The following DDX41 variants were observed in gnomAD, a reference collection of about 807,000 sequenced individuals.
DDX41 encodes the protein DEAD-box helicase 41, also known as probable ATP-dependent RNA helicase DDX41.
Under a neutral mutation model 78.8 loss-of-function variants are expected in DDX41, and 50 were observed. The observed-to-expected ratio is 0.63, with a 90% confidence interval of 0.51 to 0.80. DDX41 has a LOEUF of 0.80. Ranked by LOEUF, DDX41 falls within the 30% of genes least tolerant of loss-of-function variation. The pLI is 0.00. For synonymous variants in DDX41, 381 were observed against 321.5 expected, an observed-to-expected ratio of 1.19 and a Z score of -1.98; for missense variants, 633 against 849.2, an observed-to-expected ratio of 0.75 and a Z score of 3.16.
intron 6 of DDX41, 40 bp downstream of exon 6, chr5:177,515,645 G>T: frequency 1.2e-6 from 2 of 1,609,104 alleles, no homozygotes; most frequent in South Asian, 2.2e-5. Flanking sequence ...ACAGGCATTT[G>T]ATTATAAAAG....
At position 177,513,856 on chromosome 5, in the gene DDX41, C is replaced by T. The variant is rs775995558; in HGVS notation, c.936-9G>A. 1 of 1,613,118 alleles carries T rather than the reference C, an allele frequency of 6.2e-7. No homozygotes were observed. The highest frequency in any genetic ancestry group is 1.1e-5 in the South Asian group (1 of 91,062). ...CCATCATGTGTACACCGCTGGGGAC[C>T]AAGGAGAGACCCTGAGGTTGGGGCC... is the stretch of plus-strand genomic sequence containing the variant. On this transcript the variant is annotated splice_polypyrimidine_tract_variant and intron_variant, in intron 9 of 16. Transcript: ENST00000330503. This position sits in a 1 kb window ranked among gnomAD's most constrained non-coding sequence, Gnocchi z 4.6.
Position 177,512,043 on chromosome 5 carries a change from C to T in DDX41, c.1732+53G>A. 4.4e-6 allele frequency: 7 copies of T among 1,608,106 alleles called. No individual in the cohort carries two copies. The Middle Eastern group carries it at 7.5e-4, about 173-fold the overall frequency. ...GGTTTCACGTTTCTGACTTCCAGCA[C>T]CCCTCCTTGCCACCTGCCGGCTGGG... On this transcript the variant is annotated intron_variant, in intron 16 of 16. Coordinates refer to ENST00000330503, the MANE Select transcript of DDX41 (RefSeq NM_016222.4).
At chr5:177,512,444 T>C in intron 14 of DDX41, 51 bp from the exon 15 acceptor site, 1 of 1,614,100 alleles carries the variant, frequency 6.2e-7, no homozygotes, top group Non-Finnish European at 8.5e-7. Flanking sequence ...ACTAGGGGCC[T>C]GGCTTGGCCC....
At position 177,514,646 on chromosome 5, in the gene DDX41, T is replaced by C; in HGVS notation, c.935+55A>G. The C allele has an allele frequency of 2.5e-6, 4 of 1,572,518 alleles. No homozygotes were observed. The highest frequency in any genetic ancestry group is 3.5e-6 in the Non-Finnish European group (4 of 1,158,534). ...TGGCTAAGGTAAAGGGTCCTTTAGCTTTTCCACAGACTCGCAGGTGGCAGA... is the reference window on the plus strand; with the variant it reads ...TGGCTAAGGTAAAGGGTCCTTTAGCCTTTCCACAGACTCGCAGGTGGCAGA... On this transcript the variant is annotated intron_variant, in intron 9 of 16. Coordinates refer to ENST00000330503, the MANE Select transcript of DDX41 (RefSeq NM_016222.4). This position sits in a 1 kb window ranked among gnomAD's most constrained non-coding sequence, Gnocchi z 4.2.
rs746616515 is a variant in DDX41, at chr5:177,512,045, C to T, written c.1732+51G>A. On this transcript the variant is annotated intron_variant, in intron 16 of 16. Transcript: ENST00000330503. ...TTTCACGTTTCTGACTTCCAGCACC[C>T]CTCCTTGCCACCTGCCGGCTGGGGA... The T allele has an allele frequency of 1.9e-6, 3 of 1,608,346 alleles. No individual in the cohort carries two copies. In the South Asian group the frequency reaches 3.3e-5, roughly 18 times the overall value.
chr5:177,512,003 C>T, intron 16 of DDX41, 76 bp from the exon 17 acceptor site: 1 of 1,605,774 alleles, frequency 6.2e-7, no homozygotes, highest in Non-Finnish European at 8.5e-7. Flanking sequence ...CCCCGTTAGG[C>T]ACCCTCGGTC....
Position 177,513,844 on chromosome 5 carries a change from A to G in DDX41, c.939T>C (p.Gly313=). 6.2e-7 allele frequency: 1 copy of G among 1,613,378 alleles called. No homozygotes were observed. Among genetic ancestry groups the G allele is most frequent in the Non-Finnish European group, 8.5e-7 (1 of 1,179,910 alleles). The stretch of plus-strand genomic sequence containing the variant: ...CCGGGGTGGCCACCATCATGTGTAC[A>G]CCGCTGGGGACCAAGGAGAGACCCT... ...VKEQMETIRH[G]VHMMVATPGR... is the part of the protein sequence containing the mutation. Residue 313 remains glycine (G), a synonymous_variant, in exon 10 of 17, where the codon GGT becomes GGC. Transcript: ENST00000330503. The surrounding 1 kb of genome is among the most constrained non-coding windows in gnomAD (Gnocchi z 4.6).
intron 12 of DDX41, 24 bp downstream of exon 12, chr5:177,512,987 C>G: frequency 4.3e-6 from 7 of 1,612,988 alleles, no homozygotes; most frequent in Non-Finnish European, 5.9e-6. Context: ...GACTCTGGCC[C>G]CGGCCTGGCC....
In DDX41 at chr5:177,511,941, GA is replaced by G; in HGVS notation, c.1733-15del. The G allele has an allele frequency of 6.2e-7, 1 of 1,613,354 alleles. No individual in the cohort carries two copies. The highest frequency in any genetic ancestry group is 8.5e-7 in the Non-Finnish European group (1 of 1,179,948). On this transcript the variant is annotated splice_polypyrimidine_tract_variant and intron_variant, in intron 16 of 16. Coordinates refer to ENST00000330503, the MANE Select transcript of DDX41 (RefSeq NM_016222.4). ...AGCCGCGCTCTCCTGGGGGAATGGG[GA>G]CAGGGGTCAGCCAAGTCAAGGACCA...
In DDX41 at chr5:177,513,643, T is replaced by C; in HGVS notation, c.1098+42A>G. The C allele has an allele frequency of 6.2e-7, 1 of 1,608,712 alleles. No individual in the cohort carries two copies. Among genetic ancestry groups the C allele is most frequent in the Non-Finnish European group, 8.5e-7 (1 of 1,177,430 alleles). The stretch of plus-strand genomic sequence containing the variant: ...CCCTGCAGTCTGATGTGGCGTGCAG[T>C]GGGGGGCGGTGCAGGGTGCCCTGGC... On this transcript the variant is annotated intron_variant, in intron 10 of 16. Coordinates refer to ENST00000330503, the MANE Select transcript of DDX41 (RefSeq NM_016222.4). The surrounding 1 kb of genome is among the most constrained non-coding windows in gnomAD (Gnocchi z 4.6).
Position 177,513,973 on chromosome 5 carries a change from A to G in DDX41, c.936-126T>C, listed in dbSNP as rs1761104973. On this transcript the variant is annotated intron_variant, in intron 9 of 16. Coordinates refer to ENST00000330503, the MANE Select transcript of DDX41 (RefSeq NM_016222.4). The surrounding 1 kb of genome is among the most constrained non-coding windows in gnomAD (Gnocchi z 4.6). ...CTATTTCTTTGTCTGTCCCCTTCTC[A>G]TCATTCCCACCACCTGCCCTATGTA... 2 of 971,862 alleles carry G rather than the reference A, an allele frequency of 2.1e-6. No homozygotes were observed. The highest frequency in any genetic ancestry group is 1.6e-5 in the African/African-American group (1 of 62,158). 60.2% of individuals were successfully genotyped at this position (971,862 alleles called of 1,614,324 possible).
Position 177,514,762 on chromosome 5 carries a change from G to A in DDX41, c.874C>T (p.Leu292=), listed in dbSNP as rs774660023. ...CCCCCAATGCAGAGGGCGCAGCGCAGGAGTGGTGAGCTGTCCTCCTGCAGC... is the reference window on the plus strand; with the variant it reads ...CCCCCAATGCAGAGGGCGCAGCGCAAGAGTGGTGAGCTGTCCTCCTGCAGC... ...RLLQEDSSPL[L]RCALCIGGMS... The change falls in exon 9 of 17, where the codon CTG becomes TTG. Residue 292 remains leucine, a synonymous_variant. Coordinates refer to ENST00000330503, the MANE Select transcript of DDX41 (RefSeq NM_016222.4). The surrounding 1 kb of genome is among the most constrained non-coding windows in gnomAD (Gnocchi z 4.2). 2.5e-6 allele frequency: 4 copies of A among 1,612,946 alleles called. No individual in the cohort carries two copies. In the South Asian group the frequency reaches 3.3e-5, roughly 13 times the overall value.
At chr5:177,516,658 A>G in intron 2 of DDX41, 67 bp downstream of exon 2, 2 of 1,505,884 alleles carry the variant, frequency 1.3e-6, no homozygotes, top group African/African-American at 1.4e-5. Flanking sequence ...ACGGAGGCCG[A>G]GGCCACGCCC....
chr5:177,514,845 C>CA lies in DDX41; in HGVS notation c.799-9dup, dbSNP rs949946325. ...CTGCCGGGCCAGCTCCCGCTGCAGG[C>CA]AGAGGGACAAAGGCTGGCACCAGAT... is the stretch of plus-strand genomic sequence containing the variant. On this transcript the variant is annotated splice_polypyrimidine_tract_variant and intron_variant, in intron 8 of 16. Transcript: ENST00000330503. The surrounding 1 kb of genome is among the most constrained non-coding windows in gnomAD (Gnocchi z 4.2). The CA allele has an allele frequency of 3.1e-6, 5 of 1,610,674 alleles. No homozygotes were observed. The highest frequency in any genetic ancestry group is 3.3e-5 in the Admixed American group (2 of 59,954).
At position 177,513,882 on chromosome 5, in the gene DDX41, A is replaced by G; in HGVS notation, c.936-35T>C. ...AAGGAGAGACCCTGAGGTTGGGGCC[A>G]CTGGCCTATCACCTATCTAGAGGCA... On this transcript the variant is annotated intron_variant, in intron 9 of 16. Transcript: ENST00000330503. The surrounding 1 kb of genome is among the most constrained non-coding windows in gnomAD (Gnocchi z 4.6). 2 of 1,609,050 alleles carry G rather than the reference A, an allele frequency of 1.2e-6. No homozygotes were observed. The highest frequency in any genetic ancestry group is 1.1e-5 in the South Asian group (1 of 90,928).
chr5:177,516,644 C>T (rs1446941308), intron 2 of DDX41, 81 bp downstream of exon 2: 4 of 1,463,898 alleles, frequency 2.7e-6, no homozygotes, highest in South Asian at 1.2e-5. Context: ...CTGCCCTCCT[C>T]CCCACGGAGG....
At position 177,515,755 on chromosome 5, in the gene DDX41, G is replaced by A; in HGVS notation, c.501C>T (p.Tyr167=). 1.2e-6 allele frequency: 2 copies of A among 1,614,178 alleles called. No homozygotes were observed. The highest frequency in any genetic ancestry group is 1.7e-6 in the Non-Finnish European group (2 of 1,180,038). Residue 167 remains tyrosine, a synonymous_variant, in exon 6 of 17, where the codon TAC becomes TAT. Transcript: ENST00000330503. ...TACCGTCTCCCTCCACCAGGATGTG[G>A]TATTTCTTCCGCACGCGCTCATGTC... The part of the protein sequence containing the change: ...EERHERVRKK[Y]HILVEGDGIP...
In DDX41 at chr5:177,511,765, C is replaced by G; in HGVS notation, c.*26G>C. On this transcript the variant is annotated 3_prime_UTR_variant, in exon 17 of 17. Coordinates refer to ENST00000330503, the MANE Select transcript of DDX41 (RefSeq NM_016222.4). ...GTGGCAGTCTTGGGGACTGAGGCCT[C>G]TTGGAGAGAAGGGAAGACTGTCGGC... 1 of 1,613,436 alleles carries G rather than the reference C, an allele frequency of 6.2e-7. No homozygotes were observed. The highest frequency in any genetic ancestry group is 1.1e-5 in the South Asian group (1 of 91,046).
rs893694256 is a variant in DDX41, at chr5:177,511,641, G to C, written c.*150C>G. ...AGGAAACAAAAACAGTAATTCTGAA[G>C]AGCACAGGGAACAGGCAGCCAGGAC... On this transcript the variant is annotated 3_prime_UTR_variant, in exon 17 of 17. Coordinates refer to ENST00000330503, the MANE Select transcript of DDX41 (RefSeq NM_016222.4). 9.6e-7 allele frequency: 1 copy of C among 1,044,488 alleles called. No individual in the cohort carries two copies. Among genetic ancestry groups the C allele is most frequent in the Non-Finnish European group, 1.4e-6 (1 of 712,052 alleles). The allele number at this position is 1,044,488 out of a possible 1,614,324, so 64.7% of individuals were successfully genotyped here. A position where few individuals can be genotyped will look rare whatever the true frequency, so the allele number is the denominator to read the frequency against.
Sources: allele counts gnomAD v4.1 joint callset, GRCh38; gene constraint gnomAD v4.1.1; non-coding constraint Gnocchi (gnomAD v3.1); transcripts MANE v1.5; gene names NCBI Gene and HGNC (gene_info 2026-07-23, HGNC 2026-07-21).